Variants in CHIC2 observed in about 807,000 individuals in gnomAD.
CHIC2 encodes cysteine rich hydrophobic domain 2.
A neutral mutation model predicts 25.9 loss-of-function variants in CHIC2; 14 were observed. The ratio of observed to expected loss-of-function variants is 0.54; its 90% CI spans 0.36 to 0.85. The LOEUF is 0.85. Ranked by LOEUF, CHIC2 falls within the 40% of genes least tolerant of loss-of-function variation. CHIC2 has a pLI of 0.01. For synonymous variants in CHIC2, 70 were observed against 72.0 expected (o/e 0.97, Z 0.14); for missense variants, 146 against 202.0 (o/e 0.72, Z 1.68).
chr4:54,045,456 C>A (rs1390125074), intron 3 of CHIC2, among the ~76,000 whole-genome samples: 1 of 152,194 alleles, frequency 6.6e-6, no homozygotes, highest in Non-Finnish European at 1.5e-5. Context: ...CCACCATGAT[C>A]AAGTGGGCTT....
chr4:54,035,136 T>C (rs1284948609), intron 3 of CHIC2, among the ~76,000 whole-genome samples: 1 of 152,222 alleles, frequency 6.6e-6, no homozygotes, highest in Non-Finnish European at 1.5e-5. Flanking sequence ...TTGGACTTGA[T>C]AGGCTAAACG....
rs1358523785 is a variant in CHIC2, at chr4:54,043,915, C to T, written c.330+5040G>A. Among the ~76,000 whole-genome samples, 3 of 152,108 alleles carry T rather than the reference C, an allele frequency of 2.0e-5. 1 individual carries two copies. The highest frequency in any genetic ancestry group is 2.9e-5 in the Non-Finnish European group (2 of 68,032). ...TGCTGTATTCAGGAAACACATCTCA[C>T]GTGCAGAGACACATATAGGCTCAAA... On this transcript the variant is annotated intron_variant, in intron 3 of 5. Transcript: ENST00000263921.
At chr4:54,079,187 C>T in the CHIC2 span, among the ~76,000 whole-genome samples, 3 of 151,980 alleles carry the variant, frequency 2.0e-5, no homozygotes, top group South Asian at 2.1e-4. Context: ...ACTGCACACT[C>T]GAGCCTAGGT....
intron 1 of CHIC2, among the ~76,000 whole-genome samples, chr4:54,061,970 A>G (rs1003451168): frequency 6.6e-6 from 1 of 152,178 alleles, no homozygotes; most frequent in African/African-American, 2.4e-5. Flanking sequence ...GTGGAAAACT[A>G]TATCTGAGGA....
chr4:54,035,998 G>A (rs1716371952), intron 3 of CHIC2, among the ~76,000 whole-genome samples: 1 of 152,036 alleles, frequency 6.6e-6, no homozygotes, highest in South Asian at 2.1e-4. Flanking sequence ...AAATATTTGG[G>A]AATTTTCTAG....
chr4:54,068,739 G>A (rs1328570428), upstream of CHIC2, among the ~76,000 whole-genome samples: 1 of 152,200 alleles, frequency 6.6e-6, no homozygotes, highest in African/African-American at 2.4e-5. Flanking sequence ...GGCACCAGCT[G>A]TATGTCCTAA....
At chr4:54,064,939 C>G (rs996412392), upstream of CHIC2, among the ~76,000 whole-genome samples, 15 of 152,332 alleles carry the variant, frequency 9.8e-5, no homozygotes, top group Middle Eastern at 3.4e-3. The surrounding 1 kb of genome is among the most constrained non-coding windows in gnomAD (Gnocchi z 4.2). Flanking sequence ...GTGGGACATG[C>G]AGTTCCCCAA....
chr4:54,017,952 T>C (rs1402033400), intron 3 of CHIC2, among the ~76,000 whole-genome samples: 2 of 152,200 alleles, frequency 1.3e-5, no homozygotes, highest in African/African-American at 4.8e-5. Flanking sequence ...AACAGGAGAT[T>C]TAAAAAATAT....
At chr4:54,045,088 G>A (rs1716740480) in intron 3 of CHIC2, among the ~76,000 whole-genome samples, 1 of 152,126 alleles carries the variant, frequency 6.6e-6, no homozygotes, top group Non-Finnish European at 1.5e-5. Context: ...ACTCTCCCAA[G>A]ACTAAACCAG....
the CHIC2 span, among the ~76,000 whole-genome samples, chr4:54,080,802 A>T: frequency 1.3e-5 from 2 of 151,190 alleles, no homozygotes; most frequent in African/African-American, 4.9e-5. Context: ...CAGCATGGTG[A>T]CAATGGTTAA....
intron 3 of CHIC2, among the ~76,000 whole-genome samples, chr4:54,032,835 G>C (rs912179237): frequency 2.6e-5 from 4 of 152,194 alleles, no homozygotes; most frequent in Admixed American, 6.5e-5. Context: ...ATTTAGTATA[G>C]TCTTTTAAAG....
At chr4:54,091,702 A>G in the CHIC2 span, among the ~76,000 whole-genome samples, 3 of 152,300 alleles carry the variant, frequency 2.0e-5, no homozygotes, top group South Asian at 2.1e-4. Flanking sequence ...TTTAAAAATA[A>G]AAAAGGAAAA....
chr4:54,062,601 C>T (rs188005203), intron 1 of CHIC2, among the ~76,000 whole-genome samples: 2 of 152,158 alleles, frequency 1.3e-5, no homozygotes, highest in African/African-American at 2.4e-5. Context: ...ACTTGCCCAA[C>T]AAAGTGCTTA....
In CHIC2 at chr4:54,043,212, G is replaced by C. The variant is rs574957761; in HGVS notation, c.330+5743C>G. Among the ~76,000 whole-genome samples the C allele has an allele frequency of 7.2e-5, 11 of 152,238 alleles. No homozygotes were observed. The South Asian group carries it at 2.3e-3, about 32-fold the overall frequency. Reference sequence around the variant, plus strand: ...CGAGGCGGATGGATCACGAGGTCAGGAGATTGAGACCATCCTGCCTAACAC... The same window carrying C: ...CGAGGCGGATGGATCACGAGGTCAGCAGATTGAGACCATCCTGCCTAACAC... On this transcript the variant is annotated intron_variant, in intron 3 of 5. Transcript: ENST00000263921.
chr4:54,020,272 A>T (rs1195739589), intron 3 of CHIC2, among the ~76,000 whole-genome samples: 1 of 152,046 alleles, frequency 6.6e-6, no homozygotes, highest in African/African-American at 2.4e-5. Context: ...CACCCTTAAG[A>T]AGGTTCTTTG....
At chr4:54,022,204 C>G (rs1453608562) in intron 3 of CHIC2, among the ~76,000 whole-genome samples, 3 of 152,142 alleles carry the variant, frequency 2.0e-5, no homozygotes, top group African/African-American at 7.2e-5. Context: ...GCAGCCACTC[C>G]CAGAGCCCCT....
intron 3 of CHIC2, among the ~76,000 whole-genome samples, chr4:54,018,259 C>T (rs1215604163): frequency 6.6e-6 from 1 of 152,128 alleles, no homozygotes; most frequent in African/African-American, 2.4e-5. Flanking sequence ...AGCACACATA[C>T]ACCTAGACAA....
chr4:54,041,232 C>G (rs1716567498), intron 3 of CHIC2, among the ~76,000 whole-genome samples: 1 of 151,818 alleles, frequency 6.6e-6, no homozygotes, highest in Admixed American at 6.6e-5. Flanking sequence ...AAGCACTGAG[C>G]TGCATATCAA....
chr4:54,087,796 G>T, the CHIC2 span: 4 of 426,030 alleles, frequency 9.4e-6, no homozygotes, highest in South Asian at 2.9e-4. Context: ...CTGGTCTACA[G>T]ACCATTCACT....
Sources: gnomAD v4.1 joint callset for allele counts (sites outside exome capture counted in the v4.1 genomes callset) on GRCh38, gnomAD v4.1.1 for gene constraint, Gnocchi (gnomAD v3.1) non-coding constraint, MANE v1.5 for transcripts, NCBI Gene and HGNC (gene_info 2026-07-23, HGNC 2026-07-21) for gene names.